Variants in SLC39A11 observed in about 807,000 individuals in gnomAD.
SLC39A11 encodes the protein zinc transporter ZIP11.
Under a neutral mutation model 36.1 loss-of-function variants are expected in SLC39A11, and 33 were observed. The observed-to-expected ratio is 0.91, with a 90% CI of 0.69 to 1.22. SLC39A11 has a LOEUF of 1.22. Ranked by LOEUF, SLC39A11 falls within the 50% of genes most tolerant of loss-of-function variation. SLC39A11 has a pLI of 0.00. For missense variants in SLC39A11, 432 were observed against 430.3 expected, an observed-to-expected ratio of 1.00 and a Z score of -0.03; for synonymous variants, 166 against 170.3, an observed-to-expected ratio of 0.97 and a Z score of 0.20.
chr17:72,856,822 A>T (rs1158724457), intron 5 of SLC39A11, among the ~76,000 whole-genome samples: 9 of 152,224 alleles, frequency 5.9e-5, no homozygotes, highest in Middle Eastern at 6.8e-3. Context: ...CTGGGACTAC[A>T]GACATGCACC....
At chr17:72,853,749 A>C (rs561852721) in intron 5 of SLC39A11, among the ~76,000 whole-genome samples, 1 of 152,280 alleles carries the variant, frequency 6.6e-6, no homozygotes, top group Admixed American at 6.5e-5. Flanking sequence ...AAGGAAGATT[A>C]GTCCAAATAA....
chr17:73,015,837 C>A (rs1425905692), intron 4 of SLC39A11, among the ~76,000 whole-genome samples: 1 of 152,186 alleles, frequency 6.6e-6, no homozygotes, highest in Non-Finnish European at 1.5e-5. Context: ...CCGCTTCGGC[C>A]TTTTAAAGTG....
At chr17:72,867,160 G>C (rs1458095855) in intron 5 of SLC39A11, among the ~76,000 whole-genome samples, 1 of 152,174 alleles carries the variant, frequency 6.6e-6, no homozygotes, top group South Asian at 2.1e-4. Context: ...GAGAGATGCA[G>C]ATTAATTTTA....
At chr17:72,910,623 CAAA>C (rs759842114) in intron 5 of SLC39A11, among the ~76,000 whole-genome samples, 1 of 50,012 alleles carries the variant, frequency 2.0e-5, no homozygotes, top group African/African-American at 9.6e-5. Context: ...GACTCCGTCT[CAAA>C]AAAAAAAAAA....
chr17:72,942,650 T>C (rs1262627047), intron 5 of SLC39A11, among the ~76,000 whole-genome samples: 1 of 152,150 alleles, frequency 6.6e-6, no homozygotes, highest in African/African-American at 2.4e-5. Flanking sequence ...AGAAAGGTAA[T>C]AGGAACCATG....
At chr17:73,036,649 A>C (rs2058926060) in intron 3 of SLC39A11, among the ~76,000 whole-genome samples, 1 of 151,794 alleles carries the variant, frequency 6.6e-6, no homozygotes, top group Non-Finnish European at 1.5e-5. Context: ...TTTTCACCAT[A>C]TTGGTCAGGC....
chr17:72,794,787 G>C (rs1433683607), intron 6 of SLC39A11, among the ~76,000 whole-genome samples: 2 of 151,980 alleles, frequency 1.3e-5, no homozygotes, highest in Non-Finnish European at 2.9e-5. Flanking sequence ...CTGCCCCTCT[G>C]AATTAATTAT....
intron 5 of SLC39A11, among the ~76,000 whole-genome samples, chr17:72,892,261 T>G (rs2081790592): frequency 6.6e-6 from 1 of 151,332 alleles, no homozygotes; most frequent in Non-Finnish European, 1.5e-5. Flanking sequence ...TAAAAAAAAA[T>G]TAGTCAGGTG....
chr17:73,034,023 C>A (rs1431458247), intron 3 of SLC39A11, among the ~76,000 whole-genome samples: 2 of 152,264 alleles, frequency 1.3e-5, no homozygotes, highest in East Asian at 1.9e-4. Context: ...GAGGCTGATC[C>A]GTTCAACTCC....
At chr17:73,031,742 G>A (rs1427004444) in intron 3 of SLC39A11, 28 bp from the exon 4 acceptor site, 10 of 1,609,002 alleles carry the variant, frequency 6.2e-6, no homozygotes, top group East Asian at 4.5e-5. Flanking sequence ...AGAGATAAAC[G>A]TTAAAGCAAC....
At chr17:72,771,987 T>C (rs1462552535) in intron 6 of SLC39A11, among the ~76,000 whole-genome samples, 1 of 152,140 alleles carries the variant, frequency 6.6e-6, no homozygotes, top group Non-Finnish European at 1.5e-5. Flanking sequence ...TGTGGCTTTC[T>C]TCCAACTCAA....
intron 3 of SLC39A11, among the ~76,000 whole-genome samples, chr17:73,069,252 T>A (rs1301711036): frequency 6.6e-6 from 1 of 152,170 alleles, no homozygotes; most frequent in Non-Finnish European, 1.5e-5. Flanking sequence ...TCCAGCACCT[T>A]TTGTTCATTA....
chr17:72,910,052 T>A (rs1176700106), intron 5 of SLC39A11, among the ~76,000 whole-genome samples: 1 of 151,932 alleles, frequency 6.6e-6, no homozygotes, highest in African/African-American at 2.4e-5. Context: ...GCACCCGGCC[T>A]CCTCAACTTT....
At chr17:72,695,632 T>C (rs1474296220) in intron 7 of SLC39A11, among the ~76,000 whole-genome samples, 1 of 97,260 alleles carries the variant, frequency 1.0e-5, no homozygotes, top group East Asian at 5.1e-4. Context: ...AGGGTCTTTG[T>C]GGATGTAATT....
intron 5 of SLC39A11, among the ~76,000 whole-genome samples, chr17:72,864,897 C>T (rs1465873676): frequency 1.3e-5 from 2 of 152,100 alleles, no homozygotes; most frequent in Non-Finnish European, 2.9e-5. Context: ...CCTGGCCGAG[C>T]CCAGAACACG....
intron 5 of SLC39A11, among the ~76,000 whole-genome samples, chr17:72,872,396 C>T (rs777205683): frequency 3.3e-5 from 5 of 152,106 alleles, no homozygotes; most frequent in Non-Finnish European, 5.9e-5. Flanking sequence ...TTCTCAGATT[C>T]GACAGACGGG....
intron 5 of SLC39A11, among the ~76,000 whole-genome samples, chr17:72,899,363 C>T (rs1440413500): frequency 6.6e-6 from 1 of 152,146 alleles, no homozygotes; most frequent in Non-Finnish European, 1.5e-5. Context: ...AATTTCCTAT[C>T]CTGAAACCAA....
At chr17:72,991,110 T>A (rs930555138) in intron 4 of SLC39A11, among the ~76,000 whole-genome samples, 9 of 152,206 alleles carry the variant, frequency 5.9e-5, no homozygotes, top group Non-Finnish European at 1.5e-5. Flanking sequence ...TTGATTCAGA[T>A]TTTTTAAGTA....
chr17:72,675,534 C>T (rs1180847415), intron 7 of SLC39A11, among the ~76,000 whole-genome samples: 4 of 152,236 alleles, frequency 2.6e-5, no homozygotes, highest in Admixed American at 1.3e-4. Context: ...CCTTTGCCTT[C>T]GTGGCTTCTC....
Sources: gnomAD v4.1 joint callset for allele counts (sites outside exome capture counted in the v4.1 genomes callset) on GRCh38, gnomAD v4.1.1 for gene constraint, MANE v1.5 for transcripts, NCBI Gene and HGNC (gene_info 2026-07-23, HGNC 2026-07-21) for gene names.